Variants in SDK1 observed in about 807,000 individuals in gnomAD.
SDK1 encodes the protein sidekick cell adhesion molecule 1.
In SDK1, 157 loss-of-function variants were observed where a neutral mutation model predicts 245.5. That is an observed-to-expected ratio of 0.64 (90% CI 0.56 to 0.73). The LOEUF (loss-of-function observed/expected upper bound fraction) is 0.73, where lower values mean the gene tolerates loss of function less well. Ranked by LOEUF, SDK1 falls within the 30% of genes least tolerant of loss-of-function variation. The pLI, the probability that SDK1 is intolerant of heterozygous loss-of-function variation, is 0.00. For missense variants in SDK1, 3,583 were observed against 3,002.3 expected, an observed-to-expected ratio of 1.19 and a Z score of -4.52; for synonymous variants, 1,647 against 1,278.5, an observed-to-expected ratio of 1.29 and a Z score of -6.15.
intron 4 of SDK1, among the ~76,000 whole-genome samples, chr7:3,725,704 A>T (rs1047149185): frequency 3.9e-5 from 6 of 152,222 alleles, no homozygotes; most frequent in African/African-American, 1.2e-4. Context: ...GTAAGTGGAC[A>T]AACTTCAGTT....
rs367706609 is a variant in SDK1 at position 3,640,873 on chromosome 7, C to T, written c.566-1085C>T. ...TAATTTTTGTATTTTTGGTAGAGAT[C>T]GGGCTTCACCATGTTGGCCAGGCTG... On this transcript the variant is annotated intron_variant, in intron 3 of 44. Coordinates refer to ENST00000404826, the MANE Select transcript of SDK1 (RefSeq NM_152744.4). Among the ~76,000 whole-genome samples, 33 of 151,982 alleles carry T rather than the reference C, an allele frequency of 2.2e-4. No homozygotes were observed. The East Asian group carries it at 4.8e-3, about 22-fold the overall frequency.
intron 1 of SDK1, among the ~76,000 whole-genome samples, chr7:3,440,423 T>C (rs117600899): frequency 0.021 from 3,250 of 152,128 alleles, 68 homozygotes; most frequent in Non-Finnish European, 0.033. Context: ...AACAGATGTG[T>C]AGGTTTTCTG....
rs151018032 is a variant in SDK1 at position 3,995,744 on chromosome 7, G to A, written c.2131+8422G>A. On this transcript the variant is annotated intron_variant, in intron 14 of 44. Coordinates refer to ENST00000404826, the MANE Select transcript of SDK1 (RefSeq NM_152744.4). Reference sequence around the variant, plus strand: ...ATTCTTGAACCCATTCTGCCAAGTCGGTTGGCTTTGAGCACTTTCTCTGCT... The same window carrying A: ...ATTCTTGAACCCATTCTGCCAAGTCAGTTGGCTTTGAGCACTTTCTCTGCT... Among the ~76,000 whole-genome samples the A allele has an allele frequency of 1.1e-3, 165 of 152,072 alleles. 1 individual carries two copies. Among genetic ancestry groups the A allele is most frequent in the African/African-American group, 3.5e-3 (146 of 41,492 alleles).
intron 29 of SDK1, among the ~76,000 whole-genome samples, chr7:4,148,275 C>T (rs1780120590): frequency 1.3e-5 from 2 of 152,240 alleles, no homozygotes; most frequent in South Asian, 4.1e-4. Flanking sequence ...TGCAGCTTTA[C>T]ACACGCCACG....
At chr7:3,770,605 G>A (rs1023483570) in intron 4 of SDK1, among the ~76,000 whole-genome samples, 8 of 152,196 alleles carry the variant, frequency 5.3e-5, no homozygotes. Context: ...CCCAGCCTGG[G>A]CACTTGTTGT....
intron 29 of SDK1, 55 bp downstream of exon 29, chr7:4,145,971 A>T: frequency 6.8e-7 from 1 of 1,480,598 alleles, no homozygotes. Flanking sequence ...CAGCTTCCTC[A>T]ATCAGGCCCT....
chr7:4,109,318 G>A (rs1376811594), intron 22 of SDK1, among the ~76,000 whole-genome samples: 1 of 152,206 alleles, frequency 6.6e-6, no homozygotes, highest in Non-Finnish European at 1.5e-5. Flanking sequence ...CAAGCCACCA[G>A]CATGCCTGCT....
At chr7:3,650,441 G>T (rs1421589778) in intron 4 of SDK1, among the ~76,000 whole-genome samples, 1 of 152,092 alleles carries the variant, frequency 6.6e-6, no homozygotes, top group African/African-American at 2.4e-5. Flanking sequence ...TTGTGTGAAT[G>T]GAATCATATG....
At chr7:3,519,123 C>T (rs566232204) in intron 1 of SDK1, among the ~76,000 whole-genome samples, 3 of 152,014 alleles carry the variant, frequency 2.0e-5, no homozygotes, top group Non-Finnish European at 2.9e-5. Context: ...AAAAGTAGAA[C>T]AGAGAATAGG....
intron 32 of SDK1, among the ~76,000 whole-genome samples, chr7:4,168,595 G>A (rs1485780464): frequency 6.6e-6 from 1 of 152,098 alleles, no homozygotes; most frequent in African/African-American, 2.4e-5. Context: ...CACGCCACCT[G>A]AGCTTCCCTC....
chr7:3,615,412 C>T (rs951867697), intron 1 of SDK1, among the ~76,000 whole-genome samples: 1 of 151,670 alleles, frequency 6.6e-6, no homozygotes, highest in East Asian at 1.9e-4. Flanking sequence ...TAACGCATGT[C>T]AGTTGCAGCA....
In SDK1 at chr7:4,169,049, C is replaced by CG. The variant is rs537692555; in HGVS notation, c.4801-5169dup. Reference sequence around the variant, plus strand: ...GCATGTGCTGGGTGAGAGCCATTAGCGGGGACCTGTTGCTGTGTGGTTGTC... The same window carrying CG: ...GCATGTGCTGGGTGAGAGCCATTAGCGGGGGACCTGTTGCTGTGTGGTTGTC... On this transcript the variant is annotated intron_variant, in intron 32 of 44. Transcript: ENST00000404826. Among the ~76,000 whole-genome samples, 322 of 152,290 alleles carry CG rather than the reference C, an allele frequency of 2.1e-3. 13 individuals carry two copies. The South Asian group carries it at 0.062, about 29-fold the overall frequency.
intron 4 of SDK1, among the ~76,000 whole-genome samples, chr7:3,666,356 A>G (rs994914420): frequency 3.0e-4 from 46 of 152,126 alleles, no homozygotes; most frequent in African/African-American, 1.1e-3. Flanking sequence ...GGGACTTTGC[A>G]CATGCCGTCC....
intron 4 of SDK1, among the ~76,000 whole-genome samples, chr7:3,653,368 G>A (rs1783067280): frequency 6.6e-6 from 1 of 152,136 alleles, no homozygotes; most frequent in South Asian, 2.1e-4. Flanking sequence ...TTGAAATCTA[G>A]ACTTAGAATG....
chr7:3,820,001 G>T (rs1164776301), intron 4 of SDK1, among the ~76,000 whole-genome samples: 1 of 152,000 alleles, frequency 6.6e-6, no homozygotes, highest in Non-Finnish European at 1.5e-5. Flanking sequence ...CCACAATTGT[G>T]GTGGGTAACA....
chr7:4,131,511 C>T (rs898067478), intron 27 of SDK1, among the ~76,000 whole-genome samples: 7 of 152,310 alleles, frequency 4.6e-5, no homozygotes, highest in African/African-American at 1.7e-4. Context: ...CAGACGTCAG[C>T]GGCCCAGAAC....
rs1186228726 is a variant in SDK1 at position 3,355,071 on chromosome 7, G to C, written c.298+53187G>C. On this transcript the variant is annotated intron_variant, in intron 1 of 44. Transcript: ENST00000404826. ...GGTGGGAAATATCTGGCCAAATCTA[G>C]TCTTTTCTTAGTCATGTTATTTGTT... Among the ~76,000 whole-genome samples the C allele has an allele frequency of 2.0e-5, 3 of 152,116 alleles. 1 individual carries two copies. Among genetic ancestry groups the C allele is most frequent in the South Asian group, 2.1e-4 (1 of 4,824 alleles).
intron 4 of SDK1, among the ~76,000 whole-genome samples, chr7:3,796,987 C>G (rs1191078456): frequency 6.7e-6 from 1 of 148,868 alleles, no homozygotes; most frequent in Admixed American, 6.7e-5. Context: ...TTTTCCTTTT[C>G]TTTTTCTTTC....
At chr7:3,656,003 A>T (rs1783170144) in intron 4 of SDK1, among the ~76,000 whole-genome samples, 1 of 152,200 alleles carries the variant, frequency 6.6e-6, no homozygotes, top group Admixed American at 6.5e-5. Context: ...ACCGTGAAGT[A>T]CGCATGGTGT....
Sources: gnomAD v4.1 joint callset for allele counts (sites outside exome capture counted in the v4.1 genomes callset) on GRCh38, gnomAD v4.1.1 for gene constraint, MANE v1.5 for transcripts, NCBI Gene and HGNC (gene_info 2026-07-23, HGNC 2026-07-21) for gene names.